The following FUT8 variants were observed in gnomAD, a reference collection of about 807,000 sequenced individuals.
FUT8 encodes the protein fucosyltransferase 8, also known as alpha-(1,6)-fucosyltransferase.
FUT8 carries 29 observed loss-of-function variants against 71.3 expected under a neutral mutation model. The observed-to-expected ratio is 0.41, with a 90% CI of 0.30 to 0.55. FUT8 has a LOEUF of 0.55. Among genes scored for constraint, FUT8 ranks in the 20% least tolerant of loss-of-function variants. FUT8 has a pLI of 0.34. For missense variants in FUT8, 544 were observed against 702.1 expected, an observed-to-expected ratio of 0.77 and a Z score of 2.55; for synonymous variants, 254 against 239.3, an observed-to-expected ratio of 1.06 and a Z score of -0.57.
Position 65,726,014 on chromosome 14 carries a change from GCACA to G in FUT8, c.1259+1703_1259+1706del, listed in dbSNP as rs112955215. Among the ~76,000 whole-genome samples the G allele has an allele frequency of 7.9e-3, 1,203 of 151,514 alleles. 9 individuals are homozygous for G. Among genetic ancestry groups the G allele is most frequent in the African/African-American group, 0.024 (1,000 of 41,366 alleles). ...CTACCATATACATGCGCGCATGCGT[GCACA>G]CACACACACACTGAGATGTGTATAT... On this transcript the variant is annotated intron_variant, in intron 9 of 10. Coordinates refer to ENST00000673929, the MANE Select transcript of FUT8 (RefSeq NM_001371533.1).
At chr14:65,691,776 A>G (rs569830526) in intron 7 of FUT8, among the ~76,000 whole-genome samples, 2 of 151,830 alleles carry the variant, frequency 1.3e-5, no homozygotes, top group East Asian at 3.9e-4. Flanking sequence ...GTCCCTGGGT[A>G]CTTGAGATTA....
At chr14:65,666,864 T>C (rs565347518) in intron 6 of FUT8, among the ~76,000 whole-genome samples, 9 of 152,130 alleles carry the variant, frequency 5.9e-5, no homozygotes, top group Non-Finnish European at 1.3e-4. Flanking sequence ...GCAAGATTGG[T>C]TCAACATACA....
At chr14:65,378,637 T>C in the FUT8 span, among the ~76,000 whole-genome samples, 220 of 152,270 alleles carry the variant, frequency 1.4e-3, no homozygotes, top group African/African-American at 4.7e-3. Context: ...TGTTCCACTT[T>C]AAAGTTTCAC....
the FUT8 span, among the ~76,000 whole-genome samples, chr14:65,399,572 G>A: frequency 6.6e-6 from 1 of 152,190 alleles, no homozygotes; most frequent in Non-Finnish European, 1.5e-5. Flanking sequence ...TTACATGGTA[G>A]GAGCTGGCAA....
chr14:65,742,778 G>A lies in FUT8; in HGVS notation c.*368G>A, dbSNP rs1041728920. 2.0e-5 allele frequency: 4 copies of A among 195,918 alleles called. No homozygotes were observed. In the East Asian group the frequency reaches 4.5e-4, roughly 22 times the overall value. The allele number at this position is 195,918 out of a possible 1,614,324, so 12.1% of individuals were successfully genotyped here. ...CTTAAAACATGGTGCCTATATCTGA[G>A]AGACCTGTGTGAACTATTGAGAAGA... On this transcript the variant is annotated 3_prime_UTR_variant, in exon 11 of 11. Coordinates refer to ENST00000673929, the MANE Select transcript of FUT8 (RefSeq NM_001371533.1).
At chr14:65,656,003 A>G (rs1002788747) in intron 6 of FUT8, among the ~76,000 whole-genome samples, 6 of 91,352 alleles carry the variant, frequency 6.6e-5, no homozygotes, top group East Asian at 4.5e-4. Context: ...AACTAGTACC[A>G]TAATGGGGGA....
chr14:65,705,752 G>A (rs1166620154), intron 7 of FUT8, among the ~76,000 whole-genome samples: 2 of 152,234 alleles, frequency 1.3e-5, no homozygotes, highest in Non-Finnish European at 2.9e-5. Flanking sequence ...AATCAAGGTA[G>A]TGATGACAGA....
chr14:65,621,536 G>A (rs555036399), intron 5 of FUT8, among the ~76,000 whole-genome samples: 16 of 151,816 alleles, frequency 1.1e-4, no homozygotes, highest in African/African-American at 3.6e-4. Flanking sequence ...TGACAGGCGT[G>A]AGCCACCACG....
At chr14:65,471,190 C>A in intron 2 of FUT8, 1 of 211,974 alleles carries the variant, frequency 4.7e-6, no homozygotes, top group Non-Finnish European at 1.0e-5. Context: ...CTGCCCTCTA[C>A]CAACTGTGAG....
At chr14:65,733,670 AAAC>A (rs1471662070) in intron 10 of FUT8, among the ~76,000 whole-genome samples, 3 of 152,182 alleles carry the variant, frequency 2.0e-5, no homozygotes, top group Admixed American at 6.5e-5. Context: ...CATTTAACAG[AAAC>A]AACAAGTAAT....
the FUT8 span, among the ~76,000 whole-genome samples, chr14:65,374,641 C>T: frequency 6.6e-6 from 1 of 151,704 alleles, no homozygotes; most frequent in Non-Finnish European, 1.5e-5. Flanking sequence ...GTCACCCAGG[C>T]TGGAGTGCAG....
chr14:65,575,840 G>A (rs1207009969), intron 3 of FUT8, among the ~76,000 whole-genome samples: 5 of 151,966 alleles, frequency 3.3e-5, no homozygotes, highest in Admixed American at 6.6e-5. Context: ...GGCTGATCTC[G>A]AACTCCTGGC....
In FUT8 at chr14:65,669,988, A is replaced by G. The variant is rs955063778; in HGVS notation, c.835+508A>G. Reference sequence around the variant, plus strand: ...TAGGTTTAGGGACCGTGCTTTGAGAACCACTGAGGTGGACCTTGCTGGTAA... The same window carrying G: ...TAGGTTTAGGGACCGTGCTTTGAGAGCCACTGAGGTGGACCTTGCTGGTAA... On this transcript the variant is annotated intron_variant, in intron 7 of 10. Transcript: ENST00000673929. This position sits in a 1 kb window ranked among gnomAD's most constrained non-coding sequence, Gnocchi z 4.5. Among the ~76,000 whole-genome samples the G allele has an allele frequency of 6.6e-6, 1 of 152,216 alleles. No individual in the cohort carries two copies. Among genetic ancestry groups the G allele is most frequent in the Non-Finnish European group, 1.5e-5 (1 of 68,036 alleles).
chr14:65,628,753 C>G (rs1316685702), intron 5 of FUT8, among the ~76,000 whole-genome samples: 2 of 152,160 alleles, frequency 1.3e-5, no homozygotes, highest in African/African-American at 4.8e-5. Flanking sequence ...ATTACTGATG[C>G]TACACAGAAT....
chr14:65,742,343 C>T lies in FUT8; in HGVS notation c.1661C>T (p.Pro554Leu). The T allele has an allele frequency of 6.2e-7, 1 of 1,612,696 alleles. No individual in the cohort carries two copies. The highest frequency in any genetic ancestry group is 2.2e-5 in the East Asian group (1 of 44,820). The change falls in exon 11 of 11, where the codon CCC (proline) becomes CTC (leucine). Residue 554 changes from proline to leucine, a missense_variant. By Grantham distance (98) the Pro-to-Leu change is moderately conservative. Transcript: ENST00000673929. ...NRKLGRTGLY[P>L]SYKVREKIET... The stretch of plus-strand genomic sequence containing the variant: ...AAATTGGGAAGGACGGGCCTATATC[C>T]CTCCTACAAAGTTCGAGAGAAGATA...
upstream of FUT8, chr14:65,412,146 T>G (rs542843643): frequency 1.1e-5 from 5 of 456,616 alleles, no homozygotes; most frequent in East Asian, 2.1e-4. Flanking sequence ...GGTCTTTCTC[T>G]TCGAGTGAAT....
chr14:65,686,525 T>A (rs757882804), intron 7 of FUT8, among the ~76,000 whole-genome samples: 8 of 152,252 alleles, frequency 5.3e-5, no homozygotes, highest in Non-Finnish European at 8.8e-5. Context: ...ATTATTACAT[T>A]AAAGCCATTC....
At chr14:65,485,833 C>T (rs911514998) in intron 2 of FUT8, among the ~76,000 whole-genome samples, 1 of 152,160 alleles carries the variant, frequency 6.6e-6, no homozygotes, top group Admixed American at 6.6e-5. Flanking sequence ...CTTTCTCTTC[C>T]CTGGGCCTTA....
At position 65,688,512 on chromosome 14, in the gene FUT8, C is replaced by A. The variant is rs185537981; in HGVS notation, c.835+19032C>A. Among the ~76,000 whole-genome samples the A allele has an allele frequency of 4.7e-3, 590 of 126,676 alleles. 3 individuals carry two copies. The highest frequency in any genetic ancestry group is 6.6e-3 in the Non-Finnish European group (418 of 63,534). The allele number at this position is 126,676 out of a possible 152,430, so 83.1% of individuals were successfully genotyped here. A position where few individuals can be genotyped will look rare whatever the true frequency, so the allele number is the denominator to read the frequency against. On this transcript the variant is annotated intron_variant, in intron 7 of 10. Transcript: ENST00000673929. The stretch of plus-strand genomic sequence containing the variant: ...GTTAGTTGGTGCTGGAACTGGACAT[C>A]CACATGCCAAAAAAAAAAAAAAAAA...
Sources: allele counts gnomAD v4.1 joint callset (sites outside exome capture counted in the v4.1 genomes callset), GRCh38; gene constraint gnomAD v4.1.1; non-coding constraint Gnocchi (gnomAD v3.1); transcripts MANE v1.5; gene names NCBI Gene and HGNC (gene_info 2026-07-23, HGNC 2026-07-21).